DHX37: variants seen among roughly 807,000 people sequenced by gnomAD.
DHX37 encodes DEAH-box helicase 37, also known as probable ATP-dependent RNA helicase DHX37.
In DHX37, 52 loss-of-function variants were observed where a neutral mutation model predicts 134.3. The ratio of observed to expected loss-of-function variants is 0.39; its 90% CI spans 0.31 to 0.49. The LOEUF (loss-of-function observed/expected upper bound fraction) is 0.49, where lower values mean the gene tolerates loss of function less well. DHX37 is among the 20% of genes least tolerant of loss of function. The probability of loss-of-function intolerance (pLI) is 0.93; values close to 1 mark genes in which losing one functional copy is unlikely to be tolerated. For synonymous variants in DHX37, 634 were observed against 670.7 expected, an observed-to-expected ratio of 0.95 and a Z score of 0.85; for missense variants, 1,344 against 1,580.8, an observed-to-expected ratio of 0.85 and a Z score of 2.54.
At chr12:124,962,785 T>G (rs1169599025) in intron 15 of DHX37, among the ~76,000 whole-genome samples, 1 of 151,814 alleles carries the variant, frequency 6.6e-6, no homozygotes, top group African/African-American at 2.4e-5. Context: ...TGCAGTGAGC[T>G]GAGATTGCAC....
chr12:124,953,957 TG>T lies in DHX37; in HGVS notation c.2617del (p.Gln873SerfsTer13). ...CCGCAGCCCGTTGGCTTCGCAAAAC[TG>T]GGGTGTGCAGCTGGCATACTCACAG... The part of the protein sequence containing the change: ...GACEYASCTP[Q>X]FCEANGLRYK... On this transcript the variant is annotated frameshift_variant, in exon 20 of 27. Transcript: ENST00000308736. LOFTEE classifies it high-confidence loss of function. 6.2e-7 allele frequency: 1 copy of T among 1,613,352 alleles called. No individual in the cohort carries two copies. The highest frequency in any genetic ancestry group is 8.5e-7 in the Non-Finnish European group (1 of 1,179,906).
At position 124,968,225 on chromosome 12, in the gene DHX37, T is replaced by C. The variant is rs549425875; in HGVS notation, c.1408+309A>G. On this transcript the variant is annotated intron_variant, in intron 10 of 26. Coordinates refer to ENST00000308736, the MANE Select transcript of DHX37 (RefSeq NM_032656.4). The stretch of plus-strand genomic sequence containing the variant: ...AGGGTATCCGTGACTCTTGGGGGGA[T>C]GTGCCCGTTCCCCTACAGTGTCTAT... 2.9e-3 allele frequency among the ~76,000 whole-genome samples: 440 copies of C among 152,210 alleles called. 3 individuals are homozygous for C. The highest frequency in any genetic ancestry group is 4.2e-3 in the Non-Finnish European group (285 of 67,996).
intron 25 of DHX37, 139 bp from the exon 26 acceptor site, chr12:124,948,320 T>C: frequency 2.1e-6 from 3 of 1,415,846 alleles, no homozygotes; most frequent in Admixed American, 5.2e-5. Context: ...CATGGTGACA[T>C]GCACCTGTAG....
At chr12:124,958,290 G>C (rs1285675528) in intron 16 of DHX37, among the ~76,000 whole-genome samples, 1 of 152,166 alleles carries the variant, frequency 6.6e-6, no homozygotes, top group Non-Finnish European at 1.5e-5. Context: ...AGGTAAGGAG[G>C]CAATGCTAGG....
At position 124,986,117 on chromosome 12, in the gene DHX37, T is replaced by C; in HGVS notation, c.255A>G (p.Glu85=). ...KEKKVLQKIL[E]QKEKKSQRAE... is the part of the protein sequence containing the mutation. ...GTACCTGGCTCTTTTTCTCCTTCTG[T>C]TCTAAGATTTTCTGCAGCACTTTCT... The change falls in exon 2 of 27, where the codon GAA becomes GAG. Residue 85 remains glutamate (E), a synonymous_variant. Transcript: ENST00000308736. 1 of 1,614,110 alleles carries C rather than the reference T, an allele frequency of 6.2e-7. No homozygotes were observed. The highest frequency in any genetic ancestry group is 8.5e-7 in the Non-Finnish European group (1 of 1,180,028).
chr12:124,971,223 G>C, intron 8 of DHX37, 79 bp downstream of exon 8: 1 of 1,549,948 alleles, frequency 6.5e-7, no homozygotes, highest in Non-Finnish European at 8.7e-7. Context: ...CGGGGAACAG[G>C]TGAAGGAAGC....
At chr12:124,965,921 T>A (rs1954377895) in intron 12 of DHX37, 109 bp from the exon 13 acceptor site, 1 of 1,410,780 alleles carries the variant, frequency 7.1e-7, no homozygotes, top group Non-Finnish European at 9.5e-7. Flanking sequence ...TCCACACCCA[T>A]GGGCCATGCA....
chr12:124,980,808 C>A lies in DHX37; in HGVS notation c.420G>T (p.Gln140His). ...EKADEVVAPG[Q>H]EKISSLSGAH... Reference sequence around the variant, plus strand: ...CACCGCTGAGGCTACTGATCTTCTCCTGGCCCGGGGCTACCACCTCGTCAG... The same window carrying A: ...CACCGCTGAGGCTACTGATCTTCTCATGGCCCGGGGCTACCACCTCGTCAG... The change falls in exon 4 of 27, where the codon CAG (glutamine) becomes CAT (histidine). Residue 140 changes from glutamine (Q) to histidine (H), a missense_variant. Physicochemically the swap from Gln to His is conservative, Grantham distance 24. Around this residue, in one of 7 missense-constraint regions of DHX37, gnomAD observed 319 missense variants for 296.1 expected, o/e 1.08. Transcript: ENST00000308736. The surrounding 1 kb of genome is among the most constrained non-coding windows in gnomAD (Gnocchi z 5.3). The A allele has an allele frequency of 6.4e-7, 1 of 1,557,228 alleles. No individual in the cohort carries two copies. Among genetic ancestry groups the A allele is most frequent in the African/African-American group, 1.4e-5 (1 of 73,600 alleles).
At chr12:124,984,913 T>C (rs975062378) in intron 2 of DHX37, among the ~76,000 whole-genome samples, 1 of 152,118 alleles carries the variant, frequency 6.6e-6, no homozygotes, top group Non-Finnish European at 1.5e-5. Context: ...GATCTCAAGA[T>C]GAGATGATCC....
At chr12:124,979,715 G>A (rs1954716667) in intron 4 of DHX37, among the ~76,000 whole-genome samples, 8 of 152,224 alleles carry the variant, frequency 5.3e-5, no homozygotes, top group Admixed American at 5.2e-4. Context: ...GCAGGGACAC[G>A]GGATGGAGGA....
At chr12:124,959,176 T>G (rs1954173107) in intron 16 of DHX37, among the ~76,000 whole-genome samples, 1 of 149,738 alleles carries the variant, frequency 6.7e-6, no homozygotes, top group South Asian at 2.1e-4. Flanking sequence ...CGGGTTCAAG[T>G]GATTATCCTG....
rs147684333 is a variant in DHX37, at chr12:124,967,679, G to A, written c.1409-461C>T. On this transcript the variant is annotated intron_variant, in intron 10 of 26. Coordinates refer to ENST00000308736, the MANE Select transcript of DHX37 (RefSeq NM_032656.4). ...ACGAAGCAGCAACCTCGGCTTCCTT[G>A]AAGGACGAGGTCAAGCTTGTTGGGA... 1.8e-3 allele frequency among the ~76,000 whole-genome samples: 270 copies of A among 152,296 alleles called. 1 individual carries two copies. The highest frequency in any genetic ancestry group is 6.2e-3 in the African/African-American group (256 of 41,568).
At chr12:124,948,463 C>T (rs553181631) in intron 25 of DHX37, 1 of 543,766 alleles carries the variant, frequency 1.8e-6, no homozygotes, top group East Asian at 3.2e-5. Flanking sequence ...AACAAACAAA[C>T]TGGCTGAGCG....
Position 124,975,430 on chromosome 12 carries a change from A to T in DHX37, c.969T>A (p.Asn323Lys), listed in dbSNP as rs764649813. Residue 323 changes from asparagine (N) to lysine (K), a missense_variant, in exon 6 of 27, where the codon AAT becomes AAA. Physicochemically the swap from Asn to Lys is moderately conservative, Grantham distance 94 (BLOSUM62 0). Transcript: ENST00000308736. Reference sequence around the variant, plus strand: ...AGTAGAGCCCTCACCGCTGGGACAGATTCATCTCCTTGGCCACTCGCTGGG... The same window carrying T: ...AGTAGAGCCCTCACCGCTGGGACAGTTTCATCTCCTTGGCCACTCGCTGGG... ...AMSQRVAKEMNLSQRVVSYQI... is the reference protein window; with the variant it reads ...AMSQRVAKEMKLSQRVVSYQI... The T allele has an allele frequency of 6.2e-6, 10 of 1,612,872 alleles. No individual in the cohort carries two copies. In the African/African-American group the frequency reaches 1.3e-4, roughly 22 times the overall value.
chr12:124,958,054 T>C (rs181068358), intron 16 of DHX37, among the ~76,000 whole-genome samples: 2 of 152,160 alleles, frequency 1.3e-5, no homozygotes, highest in East Asian at 3.9e-4. Context: ...GGCAAATCCA[T>C]GGAGAGGAGT....
At position 124,968,568 on chromosome 12, in the gene DHX37, C is replaced by T. The variant is rs201964195; in HGVS notation, c.1374G>A (p.Arg458=). The T allele has an allele frequency of 5.9e-5, 95 of 1,613,928 alleles. No individual in the cohort carries two copies. Among genetic ancestry groups the T allele is most frequent in the Middle Eastern group, 4.9e-4 (3 of 6,062 alleles). ...GCATCCGGTGGATCTTGCAGACCTT[C>T]CGGAAGCACTCGCCACTGTAGTCTT... The part of the protein sequence containing the change: ...PLEDYSGECF[R]KVCKIHRMLP... Residue 458 remains arginine (R), a synonymous_variant, in exon 10 of 27, where the codon CGG becomes CGA. Transcript: ENST00000308736.
Position 124,965,759 on chromosome 12 carries a change from GC to G in DHX37, c.1643del (p.Gly548AlafsTer161), listed in dbSNP as rs1273773205. On this transcript the variant is annotated frameshift_variant, in exon 13 of 27. Transcript: ENST00000308736. LOFTEE classifies it high-confidence loss of function. ...CCACTTCTGCCTCCCTGTCCTCATC[GC>G]CTTCGCCTGCCGGTAACACCGAGTA... is the stretch of plus-strand genomic sequence containing the variant. ...DHYSVLPAGE[G>X]DEDREAEVDE... is the part of the protein sequence containing the mutation. 1 of 1,613,166 alleles carries G rather than the reference GC, an allele frequency of 6.2e-7. No homozygotes were observed. The highest frequency in any genetic ancestry group is 8.5e-7 in the Non-Finnish European group (1 of 1,179,836).
intron 11 of DHX37, 22 bp downstream of exon 11, chr12:124,967,101 C>T: frequency 6.2e-7 from 1 of 1,612,296 alleles, no homozygotes; most frequent in Non-Finnish European, 8.5e-7. Context: ...GGGCAGAGTG[C>T]TGGTCGGGGC....
rs748615244 is a variant in DHX37, at chr12:124,964,570, G to A, written c.1869C>T (p.Ala623=). The change falls in exon 15 of 27, where the codon GCC becomes GCT. Residue 623 remains alanine (A), a synonymous_variant. Coordinates refer to ENST00000308736, the MANE Select transcript of DHX37 (RefSeq NM_032656.4). ...TGCCAGGGATGGTAAGCGACGTCTC[G>A]GCCACATTGGTGGCCACAACACACA... ...TRLCVVATNV[A]ETSLTIPGIK... The A allele has an allele frequency of 2.7e-5, 44 of 1,613,228 alleles. No homozygotes were observed. Among genetic ancestry groups the A allele is most frequent in the African/African-American group, 8.0e-5 (6 of 74,916 alleles).
Sources: gnomAD v4.1 joint callset for allele counts (sites outside exome capture counted in the v4.1 genomes callset) on GRCh38, gnomAD v4.1.1 for gene constraint, gnomAD v4.1.1 regional missense constraint, Gnocchi (gnomAD v3.1) non-coding constraint, MANE v1.5 for transcripts, NCBI Gene and HGNC (gene_info 2026-07-23, HGNC 2026-07-21) for gene names.